Variants in KCNB2 observed in about 807,000 individuals in gnomAD.
KCNB2 encodes the protein delayed rectifier potassium channel protein.
A neutral mutation model predicts 61.5 loss-of-function variants in KCNB2; 15 were observed. The observed-to-expected ratio is 0.24, with a 90% confidence interval of 0.16 to 0.38. The LOEUF is 0.38. Among genes scored for constraint, KCNB2 ranks in the 10% least tolerant of loss-of-function variants. The pLI, the probability that KCNB2 is intolerant of heterozygous loss-of-function variation, is 1.00. For synonymous variants in KCNB2, 457 were observed against 446.0 expected, an observed-to-expected ratio of 1.02 and a Z score of -0.31; for missense variants, 828 against 1,125.2, an observed-to-expected ratio of 0.74 and a Z score of 3.78.
intron 2 of KCNB2, among the ~76,000 whole-genome samples, chr8:72,585,102 G>T (rs1031828267): frequency 6.6e-6 from 1 of 152,176 alleles, no homozygotes; most frequent in African/African-American, 2.4e-5. Context: ...AAGACTGAAT[G>T]ATTTAATACT....
chr8:72,584,113 A>AAAAC (rs1554577537), intron 2 of KCNB2, among the ~76,000 whole-genome samples: 1 of 150,364 alleles, frequency 6.7e-6, no homozygotes, highest in Non-Finnish European at 1.5e-5. Flanking sequence ...AAACAAAAAA[A>AAAAC]AACAGAAAAA....
chr8:72,577,541 A>C (rs1482934743), intron 2 of KCNB2, among the ~76,000 whole-genome samples: 1 of 152,206 alleles, frequency 6.6e-6, no homozygotes, highest in African/African-American at 2.4e-5. Context: ...ATTCATAGGA[A>C]GTGCTCTCAT....
intron 2 of KCNB2, among the ~76,000 whole-genome samples, chr8:72,576,682 G>T (rs1454056658): frequency 2.0e-5 from 3 of 152,164 alleles, no homozygotes; most frequent in African/African-American, 4.8e-5. Context: ...GAGGCAAGTT[G>T]CACTTACTGT....
chr8:72,654,293 A>T (rs186753875), intron 2 of KCNB2, among the ~76,000 whole-genome samples: 123 of 152,334 alleles, frequency 8.1e-4, no homozygotes, highest in African/African-American at 2.8e-3. Context: ...TTCTATGAAT[A>T]AGTGTATATC....
chr8:72,868,054 G>C (rs1805558535), intron 2 of KCNB2, among the ~76,000 whole-genome samples: 1 of 119,182 alleles, frequency 8.4e-6, no homozygotes, highest in Non-Finnish European at 2.1e-5. Context: ...GGTTGATTTT[G>C]GGTTTTTTTT....
At chr8:72,935,075 G>A (rs1052070215) in intron 2 of KCNB2, among the ~76,000 whole-genome samples, 2 of 152,030 alleles carry the variant, frequency 1.3e-5, no homozygotes, top group African/African-American at 4.8e-5. Flanking sequence ...CAACAGATCT[G>A]TACTTTGAGA....
At chr8:72,826,464 A>G (rs936743662) in intron 2 of KCNB2, among the ~76,000 whole-genome samples, 3 of 152,174 alleles carry the variant, frequency 2.0e-5, no homozygotes, top group African/African-American at 7.2e-5. Flanking sequence ...GCTGCGGGGG[A>G]TAAGAATAGT....
chr8:72,850,106 T>C (rs1224986719), intron 2 of KCNB2, among the ~76,000 whole-genome samples: 1 of 152,064 alleles, frequency 6.6e-6, no homozygotes, highest in Non-Finnish European at 1.5e-5. Context: ...TCAGGGATGT[T>C]TGTATATAGA....
At chr8:72,643,662 C>G (rs534536799) in intron 2 of KCNB2, among the ~76,000 whole-genome samples, 1 of 152,066 alleles carries the variant, frequency 6.6e-6, no homozygotes, top group Admixed American at 6.6e-5. Context: ...CTAGGTTTTT[C>G]CTTCTGAAAA....
chr8:72,634,471 G>A (rs1017835502), intron 2 of KCNB2, among the ~76,000 whole-genome samples: 2 of 152,136 alleles, frequency 1.3e-5, no homozygotes, highest in Admixed American at 6.5e-5. Flanking sequence ...CACTTTGAGT[G>A]GTAAGAATTT....
In KCNB2 at chr8:72,859,706, C is replaced by CTTTTTTTTTTTT. The variant is rs1810264452; in HGVS notation, c.580-76229_580-76228insTTTTTTTTTTTT. On this transcript the variant is annotated intron_variant, in intron 2 of 2. Coordinates refer to ENST00000523207, the MANE Select transcript of KCNB2 (RefSeq NM_004770.3). ...TGTAGCATGGATCAGTACTTCATTT[C>CTTTTTTTTTTTT]GTTTTTTTTTTTTTTTTTTTTTTTT... 3.0e-4 allele frequency among the ~76,000 whole-genome samples: 22 copies of CTTTTTTTTTTTT among 73,448 alleles called. 9 individuals carry two copies. The highest frequency in any genetic ancestry group is 4.7e-4 in the African/African-American group (8 of 17,018). 48.2% of individuals were successfully genotyped at this position (73,448 alleles called of 152,430 possible).
At chr8:72,749,800 A>T (rs1031560538) in intron 2 of KCNB2, among the ~76,000 whole-genome samples, 3 of 145,946 alleles carry the variant, frequency 2.1e-5, no homozygotes, top group Non-Finnish European at 4.5e-5. Flanking sequence ...TAATATATAT[A>T]ATATATAATA....
At chr8:72,620,922 G>A (rs886853864) in intron 2 of KCNB2, among the ~76,000 whole-genome samples, 1 of 152,096 alleles carries the variant, frequency 6.6e-6, no homozygotes, top group Non-Finnish European at 1.5e-5. Flanking sequence ...CTACGTTTTA[G>A]ATACATTAAT....
intron 2 of KCNB2, among the ~76,000 whole-genome samples, chr8:72,866,142 A>G (rs115258708): frequency 6.6e-5 from 10 of 152,338 alleles, no homozygotes; most frequent in African/African-American, 2.4e-4. Flanking sequence ...ACATCTGAGT[A>G]TGCTGAGCAT....
At chr8:72,833,308 A>G (rs1809728609) in intron 2 of KCNB2, among the ~76,000 whole-genome samples, 1 of 152,134 alleles carries the variant, frequency 6.6e-6, no homozygotes, top group African/African-American at 2.4e-5. Flanking sequence ...GGATGGTTCA[A>G]GGCTGGGAGT....
chr8:72,841,434 A>G (rs1249375572), intron 2 of KCNB2, among the ~76,000 whole-genome samples: 2 of 137,882 alleles, frequency 1.5e-5, no homozygotes, highest in Admixed American at 7.5e-5. Context: ...TTGGTTCCAC[A>G]TGAAATTTAA....
intron 2 of KCNB2, among the ~76,000 whole-genome samples, chr8:72,834,372 T>C (rs1563398756): frequency 6.6e-6 from 1 of 152,148 alleles, no homozygotes; most frequent in Non-Finnish European, 1.5e-5. Flanking sequence ...AAGCAATTCA[T>C]AGGAGAAAAT....
intron 2 of KCNB2, among the ~76,000 whole-genome samples, chr8:72,653,808 A>G (rs767639866): frequency 1.3e-5 from 2 of 152,204 alleles, no homozygotes; most frequent in Non-Finnish European, 2.9e-5. Flanking sequence ...TTGATGGCAT[A>G]TGTGTCTGGG....
At chr8:72,661,362 C>A (rs1806378015) in intron 2 of KCNB2, 4 of 152,176 alleles carry the variant, frequency 2.6e-5, no homozygotes, top group African/African-American at 9.6e-5. Flanking sequence ...CTTCAGAACT[C>A]CTTTTGATTT....
Sources: gnomAD v4.1 joint callset for allele counts (sites outside exome capture counted in the v4.1 genomes callset) on GRCh38, gnomAD v4.1.1 for gene constraint, MANE v1.5 for transcripts, NCBI Gene and HGNC (gene_info 2026-07-23, HGNC 2026-07-21) for gene names.